The following IQCH variants were observed in gnomAD, a reference collection of about 807,000 sequenced individuals.
IQCH encodes IQ motif containing H.
IQCH carries 98 observed loss-of-function variants against 117.0 expected under a neutral mutation model. The observed-to-expected ratio is 0.84, with a 90% CI of 0.71 to 0.99. The LOEUF (loss-of-function observed/expected upper bound fraction) is 0.99, where lower values mean the gene tolerates loss of function less well. IQCH is among the 50% of genes least tolerant of loss of function. The probability of loss-of-function intolerance (pLI) is 0.00; values close to 1 mark genes in which losing one functional copy is unlikely to be tolerated. For missense variants in IQCH, 1,102 were observed against 1,243.8 expected (o/e 0.89, Z 1.72); for synonymous variants, 412 against 448.2 (o/e 0.92, Z 1.02).
chr15:67,448,662 G>C (rs2082446897), intron 16 of IQCH, among the ~76,000 whole-genome samples: 1 of 152,100 alleles, frequency 6.6e-6, no homozygotes. Context: ...CTTTGCTATT[G>C]TGAGTAGTGC....
intron 4 of IQCH, among the ~76,000 whole-genome samples, chr15:67,336,444 TAGGAAAAGTA>T (rs1175246090): frequency 6.6e-6 from 1 of 152,200 alleles, no homozygotes; most frequent in Non-Finnish European, 1.5e-5. Flanking sequence ...TTTATGACTT[TAGGAAAAGTA>T]ATTATCTTCT....
chr15:67,349,880 T>G (rs190107711), intron 6 of IQCH, among the ~76,000 whole-genome samples: 115 of 152,288 alleles, frequency 7.6e-4, no homozygotes, highest in African/African-American at 2.5e-3. Context: ...TACCACTACA[T>G]GAGGATATGG....
At chr15:67,298,076 A>C (rs1350135115) in intron 4 of IQCH, among the ~76,000 whole-genome samples, 1 of 152,150 alleles carries the variant, frequency 6.6e-6, no homozygotes, top group African/African-American at 2.4e-5. Flanking sequence ...TGGGAGGCCG[A>C]GGCGGGTGGA....
chr15:67,369,908 C>T lies in IQCH; in HGVS notation c.754-2203C>T, dbSNP rs1050221171. On this transcript the variant is annotated intron_variant, in intron 8 of 20. Coordinates refer to ENST00000335894, the MANE Select transcript of IQCH (RefSeq NM_001031715.3). This position sits in a 1 kb window ranked among gnomAD's most constrained non-coding sequence, Gnocchi z 5.2. Reference sequence around the variant, plus strand: ...AGTTATGCTTTAGCTGACTCCAAACCGATAGCTTCCCAGTGCCTGAGTGGT... The same window carrying T: ...AGTTATGCTTTAGCTGACTCCAAACTGATAGCTTCCCAGTGCCTGAGTGGT... Among the ~76,000 whole-genome samples, 1 of 152,190 alleles carries T rather than the reference C, an allele frequency of 6.6e-6. No homozygotes were observed. The highest frequency in any genetic ancestry group is 2.4e-5 in the African/African-American group (1 of 41,452).
chr15:67,376,257 A>T lies in IQCH; in HGVS notation c.1372+2824A>T, dbSNP rs1970734941. On this transcript the variant is annotated intron_variant, in intron 10 of 20. Coordinates refer to ENST00000335894, the MANE Select transcript of IQCH (RefSeq NM_001031715.3). This position sits in a 1 kb window ranked among gnomAD's most constrained non-coding sequence, Gnocchi z 5.0. ...CCTGGGAGTCCTTAAAGAAGATTTC[A>T]GCTAGATGCCACAAACTTCTTTGTC... Among the ~76,000 whole-genome samples, 2 of 152,220 alleles carry T rather than the reference A, an allele frequency of 1.3e-5. No individual in the cohort carries two copies. The highest frequency in any genetic ancestry group is 1.3e-4 in the Admixed American group (2 of 15,282).
Position 67,421,584 on chromosome 15 carries a change from T to A in IQCH, c.2505+7T>A, listed in dbSNP as rs1484406481. On this transcript the variant is annotated splice_region_variant and intron_variant, in intron 16 of 20. Coordinates refer to ENST00000335894, the MANE Select transcript of IQCH (RefSeq NM_001031715.3). ...AAGCACCTTGGAACAACAGGTAAGTTGAATGGATGCCATACGAAATGCTAA... is the reference window on the plus strand; with the variant it reads ...AAGCACCTTGGAACAACAGGTAAGTAGAATGGATGCCATACGAAATGCTAA... The A allele has an allele frequency of 1.9e-6, 3 of 1,613,598 alleles. No individual in the cohort carries two copies. The African/African-American group carries it at 4.0e-5, about 22-fold the overall frequency.
chr15:67,324,229 G>T (rs1405183564), intron 4 of IQCH, among the ~76,000 whole-genome samples: 1 of 151,104 alleles, frequency 6.6e-6, no homozygotes, highest in African/African-American at 2.4e-5. Flanking sequence ...ACAGGCGTGA[G>T]CTACCACGCC....
chr15:67,357,467 G>A (rs780890510), intron 7 of IQCH, 46 bp downstream of exon 7: 2 of 1,202,012 alleles, frequency 1.7e-6, no homozygotes, highest in Non-Finnish European at 2.5e-6. Context: ...CTTATTTACA[G>A]CACTTTCTGT....
chr15:67,314,295 A>C (rs1596160395), intron 4 of IQCH, among the ~76,000 whole-genome samples: 1 of 150,808 alleles, frequency 6.6e-6, no homozygotes, highest in African/African-American at 2.4e-5. Context: ...CCCCCACCCA[A>C]CTCTCCTATT....
At position 67,359,855 on chromosome 15, in the gene IQCH, C is replaced by G; in HGVS notation, c.723C>G (p.Ser241Arg). 2 of 1,610,702 alleles carry G rather than the reference C, an allele frequency of 1.2e-6. No individual in the cohort carries two copies. Among genetic ancestry groups the G allele is most frequent in the Non-Finnish European group, 1.7e-6 (2 of 1,177,684 alleles). ...CTCATTCTTCATTGTAGGGGAAAAG[C>G]AGAAGGTCAAGAGGACATCATGATA... ...FPKKQRSKGK[S>R]RRSRGHHDRK... The change falls in exon 8 of 21, where the codon AGC becomes AGG. Residue 241 changes from serine to arginine, a missense_variant. Around this residue, in one of 2 missense-constraint regions of IQCH, gnomAD observed 452 missense variants for 449.6 expected, o/e 1.01. Coordinates refer to ENST00000335894, the MANE Select transcript of IQCH (RefSeq NM_001031715.3). The surrounding 1 kb of genome is among the most constrained non-coding windows in gnomAD (Gnocchi z 4.5).
intron 18 of IQCH, among the ~76,000 whole-genome samples, chr15:67,478,137 C>A (rs1222720086): frequency 1.3e-5 from 2 of 152,156 alleles, no homozygotes; most frequent in South Asian, 2.1e-4. Flanking sequence ...GTAATCCCAG[C>A]ACTTTGGGAG....
In IQCH at chr15:67,490,646, C is replaced by T. The variant is rs1352451013; in HGVS notation, c.2861+582C>T. On this transcript the variant is annotated intron_variant, in intron 19 of 20. Transcript: ENST00000335894. This position sits in a 1 kb window ranked among gnomAD's most constrained non-coding sequence, Gnocchi z 4.9. ...TACACAGATAAGGCACATCAGATCT[C>T]ACTGATGGGGACCCAGCTCAGTTGT... Among the ~76,000 whole-genome samples, 1 of 152,226 alleles carries T rather than the reference C, an allele frequency of 6.6e-6. No individual in the cohort carries two copies. The highest frequency in any genetic ancestry group is 1.9e-4 in the East Asian group (1 of 5,208).
chr15:67,460,584 TG>T (rs1431627648), intron 16 of IQCH, among the ~76,000 whole-genome samples: 1 of 152,228 alleles, frequency 6.6e-6, no homozygotes, highest in African/African-American at 2.4e-5. Context: ...AATTATTTTT[TG>T]TATTCCTTGT....
intron 13 of IQCH, among the ~76,000 whole-genome samples, chr15:67,397,836 G>T (rs775103137): frequency 1.3e-5 from 2 of 152,144 alleles, no homozygotes; most frequent in Non-Finnish European, 2.9e-5. Flanking sequence ...GGATTAATTT[G>T]TTTAAATCTA....
chr15:67,499,254 A>ACAC (rs1238083833), intron 20 of IQCH, among the ~76,000 whole-genome samples: 1 of 131,640 alleles, frequency 7.6e-6, no homozygotes, highest in Non-Finnish European at 1.6e-5. Context: ...AGTCATAATC[A>ACAC]CACCACTGCA....
intron 16 of IQCH, among the ~76,000 whole-genome samples, chr15:67,438,212 C>T (rs939531243): frequency 6.6e-6 from 1 of 152,156 alleles, no homozygotes; most frequent in African/African-American, 2.4e-5. Flanking sequence ...CAGCAGAAAC[C>T]CTACAAGCTA....
At position 67,395,410 on chromosome 15, in the gene IQCH, T is replaced by C; in HGVS notation, c.1752T>C (p.Asp584=). 2 of 1,614,082 alleles carry C rather than the reference T, an allele frequency of 1.2e-6. No individual in the cohort carries two copies. Among genetic ancestry groups the C allele is most frequent in the African/African-American group, 2.7e-5 (2 of 75,028 alleles). The change falls in exon 13 of 21, where the codon GAT becomes GAC. Residue 584 remains aspartate (D), a synonymous_variant. Transcript: ENST00000335894. The surrounding 1 kb of genome is among the most constrained non-coding windows in gnomAD (Gnocchi z 4.0). The part of the protein sequence containing the change: ...YIVSGLLHRD[D]LAVADMLDIP... ...TCAGCGGGCTCCTCCACAGAGATGA[T>C]TTAGCTGTGGCCGATATGTTAGACA... is the stretch of plus-strand genomic sequence containing the variant.
chr15:67,497,753 G>C (rs1357977038), intron 20 of IQCH, among the ~76,000 whole-genome samples: 1 of 152,170 alleles, frequency 6.6e-6, no homozygotes, highest in East Asian at 1.9e-4. Flanking sequence ...GCCTCCCAAA[G>C]TGCTGGGATT....
chr15:67,345,611 C>A (rs1379044273), intron 6 of IQCH, among the ~76,000 whole-genome samples: 1 of 152,078 alleles, frequency 6.6e-6, no homozygotes, highest in Non-Finnish European at 1.5e-5. Context: ...TCAGACAAAC[C>A]CAAATTTCAG....
Sources: allele counts gnomAD v4.1 joint callset (sites outside exome capture counted in the v4.1 genomes callset), GRCh38; gene constraint gnomAD v4.1.1; regional missense constraint gnomAD v4.1.1; non-coding constraint Gnocchi (gnomAD v3.1); transcripts MANE v1.5; gene names NCBI Gene and HGNC (gene_info 2026-07-23, HGNC 2026-07-21).